VPS26A: variants seen among roughly 807,000 people sequenced by gnomAD.
The protein encoded by VPS26A is vacuolar protein sorting-associated protein 26A.
A neutral mutation model predicts 42.4 loss-of-function variants in VPS26A; 22 were observed. The ratio of observed to expected loss-of-function variants is 0.52; its 90% CI spans 0.37 to 0.74. VPS26A has a LOEUF of 0.74. Ranked by LOEUF, VPS26A falls within the 30% of genes least tolerant of loss-of-function variation. The pLI is 0.00. For synonymous variants in VPS26A, 110 were observed against 123.5 expected (o/e 0.89, Z 0.73); for missense variants, 276 against 379.2 (o/e 0.73, Z 2.26).
chr10:69,124,340 C>G, intron 1 of VPS26A, 60 bp downstream of exon 1: 1 of 1,230,042 alleles, frequency 8.1e-7, no homozygotes, highest in Non-Finnish European at 1.0e-6. Context: ...GCGCGGCGGG[C>G]CGGCCAACCG....
chr10:69,130,529 G>A lies in VPS26A; in HGVS notation c.4-2369G>A, dbSNP rs149535183. Reference sequence around the variant, plus strand: ...TAGACCACATTAGAGAATACATTGTGTGTGTGTCTGTTTTTAAAATCACAA... The same window carrying A: ...TAGACCACATTAGAGAATACATTGTATGTGTGTCTGTTTTTAAAATCACAA... On this transcript the variant is annotated intron_variant, in intron 1 of 8. Transcript: ENST00000263559. Among the ~76,000 whole-genome samples the A allele has an allele frequency of 7.0e-3, 1,068 of 152,312 alleles. 11 individuals are homozygous for A. Among genetic ancestry groups the A allele is most frequent in the African/African-American group, 0.024 (1,012 of 41,558 alleles).
intron 1 of VPS26A, among the ~76,000 whole-genome samples, chr10:69,125,173 C>T (rs78922893): frequency 6.6e-6 from 1 of 152,150 alleles, no homozygotes. Flanking sequence ...CTCACTGATT[C>T]AATAGACTGC....
At position 69,157,100 on chromosome 10, in the gene VPS26A, A is replaced by G. The variant is rs538754101; in HGVS notation, c.323A>G (p.Asp108Gly). ...GAACTGACTCAGAGCAGAAGTTATG[A>G]TTTTGAATTTATGCAAGTTGAAAAG... The part of the protein sequence containing the change: ...PGELTQSRSY[D>G]FEFMQVEKPY... The change falls in exon 4 of 9, where the codon GAT becomes GGT. Residue 108 changes from aspartate (D) to glycine (G), a missense_variant. Coordinates refer to ENST00000263559, the MANE Select transcript of VPS26A (RefSeq NM_004896.5). 3 of 1,613,664 alleles carry G rather than the reference A, an allele frequency of 1.9e-6. No homozygotes were observed. The South Asian group carries it at 3.3e-5, about 18-fold the overall frequency.
rs111618843 is a variant in VPS26A at position 69,136,052 on chromosome 10, C to T, written c.153+3005C>T. Among the ~76,000 whole-genome samples, 58 of 152,246 alleles carry T rather than the reference C, an allele frequency of 3.8e-4. 2 individuals carry two copies. The highest frequency in any genetic ancestry group is 1.3e-3 in the African/African-American group (54 of 41,552). On this transcript the variant is annotated intron_variant, in intron 2 of 8. Transcript: ENST00000263559. ...CCTCTTCATACCTTTCTTTAACTTG[C>T]AATATCTGTTGAAGAACACTTGGTC...
At chr10:69,133,473 A>G in intron 2 of VPS26A, 1 of 1,002,878 alleles carries the variant, frequency 1.0e-6, no homozygotes, top group South Asian at 1.6e-5. Flanking sequence ...GTTTTTTTAC[A>G]TTCTTTGTAA....
chr10:69,142,433 A>G (rs960456824), intron 2 of VPS26A, among the ~76,000 whole-genome samples: 9 of 151,456 alleles, frequency 5.9e-5, no homozygotes, highest in Non-Finnish European at 1.3e-4. Context: ...GACTCAAGTG[A>G]TTCCCCAACC....
chr10:69,130,395 T>G (rs1840749615), intron 1 of VPS26A, among the ~76,000 whole-genome samples: 1 of 152,156 alleles, frequency 6.6e-6, no homozygotes, highest in African/African-American at 2.4e-5. Flanking sequence ...TAAGAATACT[T>G]TGCTTGGCTC....
rs1841816682 is a variant in VPS26A, at chr10:69,171,548, T to C, written c.*279T>C. 1 of 251,128 alleles carries C rather than the reference T, an allele frequency of 4.0e-6. No individual in the cohort carries two copies. Among genetic ancestry groups the C allele is most frequent in the East Asian group, 1.0e-4 (1 of 9,606 alleles). 15.6% of individuals were successfully genotyped at this position (251,128 alleles called of 1,614,324 possible). The stretch of plus-strand genomic sequence containing the variant: ...TACTTTGATGATAAGCACTCAGATA[T>C]ATATCAGCGTAAACATGAAAAATTT... On this transcript the variant is annotated 3_prime_UTR_variant, in exon 9 of 9. Coordinates refer to ENST00000263559, the MANE Select transcript of VPS26A (RefSeq NM_004896.5).
rs1326034705 is a variant in VPS26A at position 69,149,109 on chromosome 10, T to C, written c.154-6703T>C. The stretch of plus-strand genomic sequence containing the variant: ...TTTTTTTACGTTCATTTTAAACCTA[T>C]GTAGTCTCAAGTATCTGCACACAAA... On this transcript the variant is annotated intron_variant, in intron 2 of 8. Coordinates refer to ENST00000263559, the MANE Select transcript of VPS26A (RefSeq NM_004896.5). Among the ~76,000 whole-genome samples, 3 of 152,116 alleles carry C rather than the reference T, an allele frequency of 2.0e-5. No individual in the cohort carries two copies. The East Asian group carries it at 5.8e-4, about 29-fold the overall frequency.
intron 2 of VPS26A, among the ~76,000 whole-genome samples, chr10:69,145,707 G>A (rs1841143444): frequency 6.8e-6 from 1 of 146,320 alleles, no homozygotes; most frequent in African/African-American, 2.4e-5. Context: ...CCTATTTGTG[G>A]CATGTACTTT....
intron 2 of VPS26A, among the ~76,000 whole-genome samples, chr10:69,153,620 C>T (rs1421955848): frequency 6.6e-6 from 1 of 151,740 alleles, no homozygotes; most frequent in Non-Finnish European, 1.5e-5. Context: ...TCCCAAAGTG[C>T]TGAAATTATA....
At chr10:69,151,220 A>G (rs1452890894) in intron 2 of VPS26A, among the ~76,000 whole-genome samples, 2 of 148,252 alleles carry the variant, frequency 1.3e-5, no homozygotes, top group Admixed American at 6.7e-5. Flanking sequence ...AGCTGAGATC[A>G]GGCCACTGCA....
At chr10:69,150,871 T>C (rs764019956) in intron 2 of VPS26A, among the ~76,000 whole-genome samples, 4 of 152,126 alleles carry the variant, frequency 2.6e-5, no homozygotes, top group Non-Finnish European at 5.9e-5. Context: ...TGAATCTGGG[T>C]AAAGGTTATG....
intron 2 of VPS26A, among the ~76,000 whole-genome samples, chr10:69,151,756 TCAGA>T (rs895918676): frequency 1.6e-4 from 25 of 152,184 alleles, no homozygotes; most frequent in African/African-American, 5.8e-4. Context: ...TTTAAAAATA[TCAGA>T]CAAAGCCATG....
chr10:69,170,262 T>C (rs1214342313), intron 8 of VPS26A: 3 of 152,256 alleles, frequency 2.0e-5, no homozygotes, highest in Non-Finnish European at 2.9e-5. Context: ...TATTCCAGTA[T>C]TGCCATCCTA....
intron 5 of VPS26A, chr10:69,161,689 CG>C: frequency 2.7e-6 from 1 of 373,034 alleles, no homozygotes; most frequent in South Asian, 2.3e-5. Flanking sequence ...TGTCATCAAC[CG>C]GGGTTCAGCA....
chr10:69,159,131 T>C (rs137913756), intron 5 of VPS26A, among the ~76,000 whole-genome samples: 2,625 of 152,194 alleles, frequency 0.017, 70 homozygotes, highest in African/African-American at 0.059. Flanking sequence ...TCCCAGCACT[T>C]TGGGAGGCCA....
At chr10:69,167,144 C>T (rs1021992537) in intron 7 of VPS26A, among the ~76,000 whole-genome samples, 1 of 39,880 alleles carries the variant, frequency 2.5e-5, no homozygotes, top group Non-Finnish European at 6.8e-5. Context: ...AAAAAAAATT[C>T]AGGGGCCGGG....
intron 2 of VPS26A, among the ~76,000 whole-genome samples, chr10:69,148,878 C>G (rs1841223211): frequency 6.6e-6 from 1 of 151,750 alleles, no homozygotes; most frequent in South Asian, 2.1e-4. Flanking sequence ...GCCTCAGCCT[C>G]CCGAGTAGCT....
Sources: allele counts gnomAD v4.1 joint callset (sites outside exome capture counted in the v4.1 genomes callset), GRCh38; gene constraint gnomAD v4.1.1; transcripts MANE v1.5; gene names NCBI Gene and HGNC (gene_info 2026-07-23, HGNC 2026-07-21).